Variants in ZIM2 observed in about 807,000 individuals in gnomAD.
The protein encoded by ZIM2 is zinc finger protein 656.
Under a neutral mutation model 38.6 loss-of-function variants are expected in ZIM2, and 14 were observed. That is an observed-to-expected ratio of 0.36 (90% confidence interval 0.24 to 0.57). The LOEUF is 0.57. Ranked by LOEUF, ZIM2 falls within the 20% of genes least tolerant of loss-of-function variation. ZIM2 has a pLI of 0.81. For missense variants in ZIM2, 680 were observed against 695.1 expected (o/e 0.98, Z 0.24); for synonymous variants, 247 against 245.8 (o/e 1.00, Z -0.04).
rs766472521 is a variant in ZIM2, at chr19:56,814,372, T to C, written c.490+3374A>G. The C allele has an allele frequency of 6.2e-7, 1 of 1,613,898 alleles. No homozygotes were observed. Among genetic ancestry groups the C allele is most frequent in the East Asian group, 2.2e-5 (1 of 44,882 alleles). ...TGCTGCTGCTTCATCTTCTTCTTCT[T>C]CTTCCAGATGAAGCTCCTTATGTTT... On this transcript the variant is annotated intron_variant, in intron 9 of 12. Transcript: ENST00000629319. This position sits in a 1 kb window ranked among gnomAD's most constrained non-coding sequence, Gnocchi z 5.8.
intron 10 of ZIM2, among the ~76,000 whole-genome samples, chr19:56,786,170 T>C (rs2046591769): frequency 6.6e-6 from 1 of 152,292 alleles, no homozygotes; most frequent in Middle Eastern, 3.4e-3. Context: ...ATATCGCAAA[T>C]ATACTGTGTA....
chr19:56,816,516 CAGGGATGAGCT>C, intron 9 of ZIM2: 1 of 1,613,248 alleles, frequency 6.2e-7, no homozygotes. Flanking sequence ...GATGTTCTTT[CAGGGATGAGCT>C]ATGAAGGAAA....
At chr19:56,824,460 T>C (rs1368056074) in intron 3 of ZIM2, 33 bp from the exon 4 acceptor site, 1 of 1,614,100 alleles carries the variant, frequency 6.2e-7, no homozygotes, top group African/African-American at 1.3e-5. Flanking sequence ...TTTCGGAGTT[T>C]GATCAGGGTC....
At position 56,814,321 on chromosome 19, in the gene ZIM2, ACTTCCTGGGCTGCTGCTGCTGCAG is replaced by A. The variant is rs770995708; in HGVS notation, c.490+3401_490+3424del. On this transcript the variant is annotated intron_variant, in intron 9 of 12. Coordinates refer to ENST00000629319, the MANE Select transcript of ZIM2 (RefSeq NM_001387356.1). This position sits in a 1 kb window ranked among gnomAD's most constrained non-coding sequence, Gnocchi z 5.8. ...TTGTGGAACATGGACATTGGCTTCAACTTCCTGGGCTGCTGCTGCTGCAGCTGCTGCTGCTTCATCTTCTTCTTC... is the reference window on the plus strand; with the variant it reads ...TTGTGGAACATGGACATTGGCTTCAACTGCTGCTGCTTCATCTTCTTCTTC... 4.3e-6 allele frequency: 7 copies of A among 1,613,958 alleles called. No homozygotes were observed. The highest frequency in any genetic ancestry group is 5.9e-6 in the Non-Finnish European group (7 of 1,179,992).
chr19:56,815,440 T>G (rs201590453), intron 9 of ZIM2: 1 of 1,614,128 alleles, frequency 6.2e-7, no homozygotes, highest in Admixed American at 1.7e-5. Context: ...CCATTCATAG[T>G]TTCTGCTTCC....
At chr19:56,815,949 A>G (rs761361975) in intron 9 of ZIM2, 17 of 1,596,962 alleles carry the variant, frequency 1.1e-5, no homozygotes, top group Non-Finnish European at 1.5e-5. Flanking sequence ...TAACAGACCT[A>G]CTGTATTCCC....
chr19:56,823,529 C>G, intron 5 of ZIM2, 61 bp downstream of exon 5: 2 of 1,605,218 alleles, frequency 1.2e-6, no homozygotes, highest in Admixed American at 1.7e-5. Flanking sequence ...CCCACTGTGT[C>G]TCCATCTGGA....
At chr19:56,804,553 G>A (rs150083414) in intron 9 of ZIM2, among the ~76,000 whole-genome samples, 2 of 152,252 alleles carry the variant, frequency 1.3e-5, no homozygotes, top group East Asian at 1.9e-4. Flanking sequence ...CATGCTTGAC[G>A]TACTATGATC....
intron 5 of ZIM2, among the ~76,000 whole-genome samples, chr19:56,823,264 C>T (rs1370992560): frequency 6.6e-6 from 1 of 152,214 alleles, no homozygotes; most frequent in African/African-American, 2.4e-5. Context: ...GAAAGCAGTG[C>T]TCCCTATAAA....
intron 5 of ZIM2, 21 bp from the exon 6 acceptor site, chr19:56,822,857 A>G: frequency 6.2e-7 from 1 of 1,609,006 alleles, no homozygotes; most frequent in Non-Finnish European, 8.5e-7. Context: ...GAGACATTCC[A>G]GTGGTTAACA....
chr19:56,774,948 G>A lies in ZIM2; in HGVS notation c.1417C>T (p.Pro473Ser), dbSNP rs141652030. 1.2e-6 allele frequency: 2 copies of A among 1,614,224 alleles called. No individual in the cohort carries two copies. Among genetic ancestry groups the A allele is most frequent in the Non-Finnish European group, 1.7e-6 (2 of 1,180,042 alleles). The change falls in exon 13 of 13, where the codon CCT becomes TCT. Residue 473 changes from proline (P) to serine (S), a missense_variant. By Grantham distance (74) the Pro-to-Ser change is moderately conservative. Coordinates refer to ENST00000629319, the MANE Select transcript of ZIM2 (RefSeq NM_001387356.1). ...KAHEAARVLP[P>S]GLSHSKTYLI... ...TATGTCTTGCTGTGGGACAACCCAG[G>A]AGGAAGGACTCTTGCTGCCTCATGG...
intron 12 of ZIM2, among the ~76,000 whole-genome samples, chr19:56,777,060 T>G (rs1191031835): frequency 6.6e-6 from 1 of 152,178 alleles, no homozygotes; most frequent in African/African-American, 2.4e-5. Context: ...AAGGCAACTC[T>G]CTGGTTGGAA....
chr19:56,787,679 A>G (rs2046682926), intron 10 of ZIM2, among the ~76,000 whole-genome samples: 1 of 148,940 alleles, frequency 6.7e-6, no homozygotes, highest in Non-Finnish European at 1.5e-5. Context: ...TACCTCTGGT[A>G]GAATTCGGCT....
At chr19:56,810,947 A>G (rs1262220407) in intron 9 of ZIM2, 1 of 969,698 alleles carries the variant, frequency 1.0e-6, no homozygotes, top group East Asian at 1.1e-4. Flanking sequence ...TGAAAAAATT[A>G]AAGTGAAAGT....
At position 56,814,528 on chromosome 19, in the gene ZIM2, T is replaced by C. The variant is rs779904139; in HGVS notation, c.490+3218A>G. On this transcript the variant is annotated intron_variant, in intron 9 of 12. Transcript: ENST00000629319. The surrounding 1 kb of genome is among the most constrained non-coding windows in gnomAD (Gnocchi z 5.8). The stretch of plus-strand genomic sequence containing the variant: ...GGACCCGTACTCATAGGGCTCATTC[T>C]TATGAACAGTTACGTGATCTGCAAG... 2.5e-6 allele frequency: 4 copies of C among 1,614,000 alleles called. No individual in the cohort carries two copies. In the Admixed American group the frequency reaches 6.7e-5, roughly 27 times the overall value.
intron 12 of ZIM2, among the ~76,000 whole-genome samples, chr19:56,777,482 G>A (rs1248488938): frequency 6.6e-6 from 1 of 152,130 alleles, no homozygotes; most frequent in Non-Finnish European, 1.5e-5. Context: ...CTCTTGAACT[G>A]GTTTCTCTGG....
intron 2 of ZIM2, among the ~76,000 whole-genome samples, chr19:56,834,845 C>T (rs566596353): frequency 3.5e-4 from 54 of 152,272 alleles, no homozygotes; most frequent in Non-Finnish European, 5.7e-4. Flanking sequence ...AGTTTCCATT[C>T]AGTAGACACT....
In ZIM2 at chr19:56,811,737, TCA is replaced by T. The variant is rs2146087167; in HGVS notation, c.490+6007_490+6008del. 11 of 985,586 alleles carry T rather than the reference TCA, an allele frequency of 1.1e-5. No individual in the cohort carries two copies. The South Asian group carries it at 4.7e-4, about 42-fold the overall frequency. The allele number at this position is 985,586 out of a possible 1,614,324, so 61.1% of individuals were successfully genotyped here. ...AGCTTTCCCGATGTCCGTTCCAACCTCAGTCCTTCCTATGCAGCCAGCCCTCA... is the reference window on the plus strand; with the variant it reads ...AGCTTTCCCGATGTCCGTTCCAACCTGTCCTTCCTATGCAGCCAGCCCTCA... On this transcript the variant is annotated intron_variant, in intron 9 of 12. Coordinates refer to ENST00000629319, the MANE Select transcript of ZIM2 (RefSeq NM_001387356.1).
In ZIM2 at chr19:56,775,488, G is replaced by C. The variant is rs755514848; in HGVS notation, c.877C>G (p.Gln293Glu). The C allele has an allele frequency of 1.2e-6, 2 of 1,613,658 alleles. No individual in the cohort carries two copies. The highest frequency in any genetic ancestry group is 2.2e-5 in the East Asian group (1 of 44,842). Reference sequence around the variant, plus strand: ...GTTATAGGAGTCAAAAGTTTCTCTTGGTTGCCCTGGTGTGGTTCCAATGGA... The same window carrying C: ...GTTATAGGAGTCAAAAGTTTCTCTTCGTTGCCCTGGTGTGGTTCCAATGGA... Reference protein sequence around the residue: ...DDPLEPHQGNQEKLLTPITMN... With the variant: ...DDPLEPHQGNEEKLLTPITMN... The change falls in exon 13 of 13, where the codon CAA (glutamine) becomes GAA (glutamate). Residue 293 changes from glutamine (Q) to glutamate (E), a missense_variant. Physicochemically the swap from Gln to Glu is conservative, Grantham distance 29 (BLOSUM62 2). Coordinates refer to ENST00000629319, the MANE Select transcript of ZIM2 (RefSeq NM_001387356.1).
Sources: allele counts gnomAD v4.1 joint callset (sites outside exome capture counted in the v4.1 genomes callset), GRCh38; gene constraint gnomAD v4.1.1; non-coding constraint Gnocchi (gnomAD v3.1); transcripts MANE v1.5; gene names NCBI Gene and HGNC (gene_info 2026-07-23, HGNC 2026-07-21).